SAXO1: variants seen among roughly 807,000 people sequenced by gnomAD.
SAXO1 encodes the protein stabilizer of axonemal microtubules 1.
Under a neutral mutation model 17.5 loss-of-function variants are expected in SAXO1, and 21 were observed. The observed-to-expected ratio is 1.20, with a 90% CI of 0.85 to 1.72. SAXO1 has a LOEUF of 1.72. SAXO1 is among the 40% of genes most tolerant of loss of function. The pLI, the probability that SAXO1 is intolerant of heterozygous loss-of-function variation, is 0.00. For missense variants in SAXO1, 843 were observed against 596.0 expected (o/e 1.41, Z -4.32); for synonymous variants, 274 against 216.5 (o/e 1.27, Z -2.33).
intron 1 of SAXO1, among the ~76,000 whole-genome samples, chr9:18,971,650 G>T (rs1832946743): frequency 6.6e-6 from 1 of 152,064 alleles, no homozygotes; most frequent in African/African-American, 2.4e-5. Flanking sequence ...TATTACCACA[G>T]CTGAGCAGCT....
At chr9:19,007,226 A>C (rs917628665) in intron 1 of SAXO1, among the ~76,000 whole-genome samples, 2 of 151,850 alleles carry the variant, frequency 1.3e-5, no homozygotes, top group Non-Finnish European at 2.9e-5. Context: ...GCACGCCTGT[A>C]GTCCCAGCTA....
At chr9:19,014,264 C>G (rs924421278) in intron 1 of SAXO1, among the ~76,000 whole-genome samples, 1 of 151,784 alleles carries the variant, frequency 6.6e-6, no homozygotes, top group African/African-American at 2.4e-5. Context: ...AGTGCAAGAC[C>G]AGCCTGGCCA....
intron 2 of SAXO1, among the ~76,000 whole-genome samples, chr9:18,948,507 T>C (rs1390316587): frequency 6.6e-6 from 1 of 152,242 alleles, no homozygotes; most frequent in Non-Finnish European, 1.5e-5. Flanking sequence ...ATGGTATTTA[T>C]TGTTACTCTG....
rs769000016 is a variant in SAXO1, at chr9:18,950,751, C to T, written c.218+7G>A. The T allele has an allele frequency of 1.7e-5, 27 of 1,611,012 alleles. 1 individual carries two copies. The South Asian group carries it at 2.3e-4, about 14-fold the overall frequency. On this transcript the variant is annotated splice_region_variant and intron_variant, in intron 2 of 3. Coordinates refer to ENST00000380534, the MANE Select transcript of SAXO1 (RefSeq NM_153707.4). The stretch of plus-strand genomic sequence containing the variant: ...TACCTGCATACATTAATACTGTTTG[C>T]CCTCACCTTGATGTAGTCAGGCCTT...
chr9:18,951,221 T>C (rs1832025989), intron 1 of SAXO1, among the ~76,000 whole-genome samples: 1 of 152,146 alleles, frequency 6.6e-6, no homozygotes. Context: ...AATATTTCCA[T>C]ACCATAATAG....
rs536207325 is a variant in SAXO1 at position 18,934,134 on chromosome 9, G to C, written c.422-5079C>G. Among the ~76,000 whole-genome samples, 16 of 152,118 alleles carry C rather than the reference G, an allele frequency of 1.1e-4. No homozygotes were observed. The East Asian group carries it at 3.1e-3, about 29-fold the overall frequency. ...TGCCTCCTTCCAAATCTTTGTTTTT[G>C]GCTTTCAACAATTTGACTATGTTAT... On this transcript the variant is annotated intron_variant, in intron 3 of 3. Transcript: ENST00000380534.
At chr9:19,047,694 A>T (rs1564000854) in intron 1 of SAXO1, among the ~76,000 whole-genome samples, 1 of 152,220 alleles carries the variant, frequency 6.6e-6, no homozygotes, top group Non-Finnish European at 1.5e-5. Flanking sequence ...CAACAGAGCA[A>T]TGCCTCCAAG....
At chr9:19,039,814 C>T (rs776226014) in intron 1 of SAXO1, among the ~76,000 whole-genome samples, 6 of 152,110 alleles carry the variant, frequency 3.9e-5, no homozygotes, top group East Asian at 1.9e-4. Flanking sequence ...CTGCAACCTC[C>T]GCCTCCCAGG....
At chr9:18,963,997 T>C (rs1333590081) in intron 1 of SAXO1, among the ~76,000 whole-genome samples, 6 of 151,738 alleles carry the variant, frequency 4.0e-5, no homozygotes, top group African/African-American at 1.4e-4. Flanking sequence ...TTTAATTTTG[T>C]CAAAGGCCTT....
chr9:18,943,699 T>C (rs1831673035), intron 2 of SAXO1, among the ~76,000 whole-genome samples: 1 of 152,176 alleles, frequency 6.6e-6, no homozygotes. Flanking sequence ...TAAAAGCCTG[T>C]GCTCAGTGAT....
chr9:18,994,565 G>A (rs1486709404), intron 1 of SAXO1, among the ~76,000 whole-genome samples: 1 of 152,188 alleles, frequency 6.6e-6, no homozygotes, highest in African/African-American at 2.4e-5. Context: ...ACTGAAGGAT[G>A]TGGCTTCCGG....
At chr9:18,982,675 CTTT>C (rs1309810439) in intron 1 of SAXO1, among the ~76,000 whole-genome samples, 1 of 152,164 alleles carries the variant, frequency 6.6e-6, no homozygotes, top group African/African-American at 2.4e-5. Flanking sequence ...ACTCAGATAA[CTTT>C]TTTACCAAAG....
At chr9:18,961,263 C>T (rs1004379672) in intron 1 of SAXO1, among the ~76,000 whole-genome samples, 7 of 151,912 alleles carry the variant, frequency 4.6e-5, no homozygotes, top group Admixed American at 3.3e-4. Context: ...CTCAACCTCC[C>T]GGGCTCAGGC....
At chr9:18,977,058 T>C (rs929103938) in intron 1 of SAXO1, among the ~76,000 whole-genome samples, 2 of 152,210 alleles carry the variant, frequency 1.3e-5, no homozygotes, top group African/African-American at 4.8e-5. Context: ...ATTTATTCCA[T>C]CCAATGAGGT....
At chr9:19,018,882 G>T (rs779436397) in intron 1 of SAXO1, among the ~76,000 whole-genome samples, 34 of 152,168 alleles carry the variant, frequency 2.2e-4, no homozygotes, top group Non-Finnish European at 4.7e-4. Flanking sequence ...GGCTGAGGCT[G>T]GTGGATCACC....
chr9:18,983,432 T>G (rs1444588100), intron 1 of SAXO1, among the ~76,000 whole-genome samples: 2 of 152,168 alleles, frequency 1.3e-5, no homozygotes, highest in Admixed American at 6.5e-5. Context: ...GCATTATAAT[T>G]CAAGATGAGA....
At chr9:19,033,259 G>A (rs979741413), upstream of SAXO1, 21 of 261,128 alleles carry the variant, frequency 8.0e-5, no homozygotes, top group Admixed American at 1.1e-3. Context: ...CTGTGATGTC[G>A]CCAGGGCCAG....
chr9:18,951,053 G>A, intron 1 of SAXO1, 116 bp from the exon 2 acceptor site: 1 of 1,052,328 alleles, frequency 9.5e-7, no homozygotes, highest in Non-Finnish European at 1.4e-6. Flanking sequence ...TGCCAACATT[G>A]AAAACCAGAA....
chr9:18,968,598 GTT>G (rs34092832), intron 1 of SAXO1, among the ~76,000 whole-genome samples: 16 of 144,062 alleles, frequency 1.1e-4, no homozygotes, highest in South Asian at 2.2e-4. Flanking sequence ...CCCCCTTTTT[GTT>G]TTTTTTTTTT....
Sources: allele counts gnomAD v4.1 joint callset (sites outside exome capture counted in the v4.1 genomes callset), GRCh38; gene constraint gnomAD v4.1.1; transcripts MANE v1.5; gene names NCBI Gene and HGNC (gene_info 2026-07-23, HGNC 2026-07-21).